NAALADL2: variants seen among roughly 807,000 people sequenced by gnomAD.
The protein encoded by NAALADL2 is N-acetylated alpha-linked acidic dipeptidase like 2, also known as inactive N-acetylated-alpha-linked acidic dipeptidase-like protein 2.
In NAALADL2, 76 loss-of-function variants were observed where a neutral mutation model predicts 87.2. The ratio of observed to expected loss-of-function variants is 0.87; its 90% CI spans 0.72 to 1.05. The LOEUF (loss-of-function observed/expected upper bound fraction) is 1.05. Among genes scored for constraint, NAALADL2 ranks in the 50% least tolerant of loss-of-function variants. The pLI is 0.00. For synonymous variants in NAALADL2, 354 were observed against 331.0 expected (o/e 1.07, Z -0.75); for missense variants, 1,089 against 945.8 (o/e 1.15, Z -1.99).
chr3:175,365,730 A>G (rs1459769535), intron 5 of NAALADL2, among the ~76,000 whole-genome samples: 2 of 147,444 alleles, frequency 1.4e-5, no homozygotes, highest in Non-Finnish European at 3.0e-5. Flanking sequence ...ATAGGATCCA[A>G]GACATGCTTA....
intron 1 of NAALADL2, among the ~76,000 whole-genome samples, chr3:174,989,127 C>T (rs1283681814): frequency 6.6e-6 from 1 of 152,146 alleles, no homozygotes; most frequent in Non-Finnish European, 1.5e-5. Flanking sequence ...ACAGTGAGAA[C>T]TCACTCATGA....
chr3:175,543,264 C>T (rs1210975900), intron 9 of NAALADL2, among the ~76,000 whole-genome samples: 1 of 152,068 alleles, frequency 6.6e-6, no homozygotes, highest in Non-Finnish European at 1.5e-5. Flanking sequence ...AACCAAGACA[C>T]CACAAGAATG....
rs76184049 is a variant in NAALADL2, at chr3:175,312,502, C to T, written c.940-11673C>T. Among the ~76,000 whole-genome samples, 104 of 151,572 alleles carry T rather than the reference C, an allele frequency of 6.9e-4. No individual in the cohort carries two copies. The East Asian group carries it at 0.018, about 26-fold the overall frequency. ...CATATAACTCTCATAGTATTGATTT[C>T]AGTGTCTTCTTAGAAAGCAGATCAC... On this transcript the variant is annotated intron_variant, in intron 4 of 13. Transcript: ENST00000454872.
intron 1 of NAALADL2, among the ~76,000 whole-genome samples, chr3:174,452,189 T>G (rs1005172460): frequency 1.3e-5 from 2 of 152,134 alleles, no homozygotes; most frequent in Admixed American, 6.5e-5. Context: ...ACCTGTTACT[T>G]TGGTGTCTGC....
intron 5 of NAALADL2, among the ~76,000 whole-genome samples, chr3:175,384,466 G>A (rs1046712641): frequency 2.6e-5 from 4 of 151,852 alleles, no homozygotes; most frequent in Admixed American, 2.6e-4. Flanking sequence ...AATACTTTCG[G>A]TTCTTTGATT....
intron 10 of NAALADL2, among the ~76,000 whole-genome samples, chr3:175,608,416 G>T (rs1170024209): frequency 6.6e-6 from 1 of 151,332 alleles, no homozygotes; most frequent in Non-Finnish European, 1.5e-5. Context: ...CAGTTTATCT[G>T]CACAATATGT....
chr3:175,411,790 G>T (rs1713568007), intron 5 of NAALADL2, among the ~76,000 whole-genome samples: 1 of 152,020 alleles, frequency 6.6e-6, no homozygotes, highest in Admixed American at 6.6e-5. Context: ...CAATTACGTT[G>T]TATCACTGAC....
At chr3:174,752,174 A>T (rs1734900224) in intron 3 of NAALADL2, among the ~76,000 whole-genome samples, 1 of 151,838 alleles carries the variant, frequency 6.6e-6, no homozygotes, top group South Asian at 2.1e-4. Context: ...ACAGGGTTTC[A>T]CCGTTTTAGC....
intron 1 of NAALADL2, among the ~76,000 whole-genome samples, chr3:174,452,547 C>G: frequency 6.7e-6 from 1 of 148,592 alleles, no homozygotes. Flanking sequence ...TCTGAGAGTA[C>G]CTTAGCCCCA....
At chr3:175,462,955 A>G (rs1039262762) in intron 6 of NAALADL2, among the ~76,000 whole-genome samples, 2 of 152,194 alleles carry the variant, frequency 1.3e-5, no homozygotes, top group African/African-American at 4.8e-5. Flanking sequence ...TTAATAAAAT[A>G]GTGAGTCATA....
chr3:175,335,123 G>A (rs1761848222), intron 5 of NAALADL2, among the ~76,000 whole-genome samples: 1 of 152,080 alleles, frequency 6.6e-6, no homozygotes, highest in Non-Finnish European at 1.5e-5. Flanking sequence ...ACCTCACCAC[G>A]TCTACCGCGT....
chr3:175,761,703 A>G (rs1261176087), intron 13 of NAALADL2, among the ~76,000 whole-genome samples: 1 of 152,164 alleles, frequency 6.6e-6, no homozygotes, highest in Non-Finnish European at 1.5e-5. Context: ...TAATAGAGGT[A>G]TGTTGGTATT....
chr3:175,010,860 C>T (rs926912655), intron 1 of NAALADL2, among the ~76,000 whole-genome samples: 1 of 152,040 alleles, frequency 6.6e-6, no homozygotes, highest in Non-Finnish European at 1.5e-5. Flanking sequence ...ATAGCTGTAA[C>T]ATTCTACTAG....
rs192070638 is a variant in NAALADL2, at chr3:174,978,906, C to G, written c.44-117884C>G. ...CAAATATCTAATTTATTTTAAAAAG[C>G]AATATTAACCAGAAAATATCTGGTG... is the stretch of plus-strand genomic sequence containing the variant. On this transcript the variant is annotated intron_variant, in intron 1 of 13. Coordinates refer to ENST00000454872, the MANE Select transcript of NAALADL2 (RefSeq NM_207015.3). Among the ~76,000 whole-genome samples the G allele has an allele frequency of 1.1e-3, 169 of 152,112 alleles. 1 individual carries two copies. The highest frequency in any genetic ancestry group is 5.9e-5 in the Non-Finnish European group (4 of 67,986).
intron 1 of NAALADL2, among the ~76,000 whole-genome samples, chr3:175,087,247 C>G (rs1375585597): frequency 1.3e-5 from 2 of 152,056 alleles, no homozygotes; most frequent in African/African-American, 4.8e-5. Context: ...TGGGGGGCAG[C>G]CCCTGCCCGG....
intron 1 of NAALADL2, among the ~76,000 whole-genome samples, chr3:174,891,412 G>GA (rs1292868638): frequency 6.6e-6 from 1 of 151,942 alleles, no homozygotes; most frequent in Non-Finnish European, 1.5e-5. Context: ...TGAAGATATA[G>GA]AAAAAACAGT....
chr3:175,244,223 C>A (rs1406345387), intron 3 of NAALADL2, among the ~76,000 whole-genome samples: 1 of 152,050 alleles, frequency 6.6e-6, no homozygotes, highest in Non-Finnish European at 1.5e-5. Context: ...AATATGTTAA[C>A]CATGGGAAAA....
At chr3:175,345,386 T>A (rs966749870) in intron 5 of NAALADL2, among the ~76,000 whole-genome samples, 1 of 152,116 alleles carries the variant, frequency 6.6e-6, no homozygotes, top group African/African-American at 2.4e-5. Flanking sequence ...TAGTACCGTC[T>A]GATGAATCTT....
At position 174,547,071 on chromosome 3, in the gene NAALADL2, T is replaced by C. The variant is rs1578139554; in HGVS notation, c.-183-3498T>C. 3.3e-5 allele frequency among the ~76,000 whole-genome samples: 5 copies of C among 152,292 alleles called. No individual in the cohort carries two copies. In the South Asian group the frequency reaches 1.0e-3, roughly 32 times the overall value. ...GTAAGGCATTATATTATTCATTAGA[T>C]TGATTAGTTTTTGTTGGTTCACAAA... On this transcript the variant is annotated intron_variant, in intron 1 of 3. Transcript: ENST00000434257.
Sources: gnomAD v4.1 joint callset for allele counts (sites outside exome capture counted in the v4.1 genomes callset) on GRCh38, gnomAD v4.1.1 for gene constraint, MANE v1.5 for transcripts, NCBI Gene and HGNC (gene_info 2026-07-23, HGNC 2026-07-21) for gene names.